Variants in NTRK2 observed in about 807,000 individuals in gnomAD.
NTRK2 encodes BDNF/NT-3 growth factors receptor.
NTRK2 carries 13 observed loss-of-function variants against 94.5 expected under a neutral mutation model. The observed-to-expected ratio is 0.14, with a 90% confidence interval of 0.09 to 0.22. The LOEUF is 0.22. Among genes scored for constraint, NTRK2 ranks in the 10% least tolerant of loss-of-function variants. The pLI is 1.00. For missense variants in NTRK2, 639 were observed against 1,071.2 expected, an observed-to-expected ratio of 0.60 and a Z score of 5.63; for synonymous variants, 372 against 407.4, an observed-to-expected ratio of 0.91 and a Z score of 1.05.
At chr9:84,742,433 C>T (rs573242397) in intron 10 of NTRK2, among the ~76,000 whole-genome samples, 6 of 152,290 alleles carry the variant, frequency 3.9e-5, no homozygotes, top group South Asian at 2.1e-4. Flanking sequence ...TTTCCCACCA[C>T]GCCAGCTTCA....
intron 11 of NTRK2, among the ~76,000 whole-genome samples, 154 bp downstream of exon 11, chr9:84,745,227 A>C (rs987010430): frequency 2.6e-5 from 4 of 152,110 alleles, no homozygotes; most frequent in African/African-American, 9.7e-5. Context: ...AGGCTTAACA[A>C]AAGTGATAAA....
At chr9:84,918,987 A>G (rs2077478801) in intron 14 of NTRK2, among the ~76,000 whole-genome samples, 2 of 152,092 alleles carry the variant, frequency 1.3e-5, no homozygotes, top group Admixed American at 1.3e-4. Flanking sequence ...CTGCTTATAC[A>G]ATCAAATCTA....
intron 12 of NTRK2, among the ~76,000 whole-genome samples, 172 bp from the exon 13 acceptor site, chr9:84,860,868 G>C (rs2075301096): frequency 6.6e-6 from 1 of 151,620 alleles, no homozygotes; most frequent in East Asian, 1.9e-4. Context: ...TGTTTGATAG[G>C]AAGCTTTCAT....
chr9:84,675,913 G>T (rs1363529009), intron 2 of NTRK2, among the ~76,000 whole-genome samples: 1 of 152,030 alleles, frequency 6.6e-6, no homozygotes, highest in East Asian at 1.9e-4. Flanking sequence ...TGCTCTCTGG[G>T]GTGTCCAAAG....
chr9:84,685,725 C>A (rs540779810), intron 2 of NTRK2, among the ~76,000 whole-genome samples: 1 of 152,284 alleles, frequency 6.6e-6, no homozygotes, highest in South Asian at 2.1e-4. Flanking sequence ...TCTACCCTGG[C>A]TAACTCCTGC....
At chr9:84,791,069 C>G (rs1479480690) in intron 12 of NTRK2, among the ~76,000 whole-genome samples, 1 of 152,158 alleles carries the variant, frequency 6.6e-6, no homozygotes, top group East Asian at 1.9e-4. Flanking sequence ...CTCTAACTTA[C>G]TAATGTCAGA....
At chr9:84,728,487 A>G (rs992299737) in intron 9 of NTRK2, among the ~76,000 whole-genome samples, 2 of 152,162 alleles carry the variant, frequency 1.3e-5, no homozygotes, top group Non-Finnish European at 2.9e-5. Flanking sequence ...ATTTAATGAG[A>G]TTTTGTACCC....
At chr9:84,844,645 TCACTCACACA>T (rs1222131821) in intron 12 of NTRK2, among the ~76,000 whole-genome samples, 5 of 101,626 alleles carry the variant, frequency 4.9e-5, no homozygotes, top group African/African-American at 1.2e-4. Context: ...ATGTAATACC[TCACTCACACA>T]CACACACACA....
At chr9:84,961,373 G>A (rs1460335135) in intron 17 of NTRK2, among the ~76,000 whole-genome samples, 1 of 152,124 alleles carries the variant, frequency 6.6e-6, no homozygotes, top group Non-Finnish European at 1.5e-5. Context: ...AAAACCATAA[G>A]AGTTTGTTTA....
intron 13 of NTRK2, among the ~76,000 whole-genome samples, chr9:84,865,901 C>T (rs138347765): frequency 1.3e-5 from 2 of 152,320 alleles, no homozygotes; most frequent in Middle Eastern, 3.4e-3. Flanking sequence ...GAAGCTTTCA[C>T]GTAGACCTTT....
intron 6 of NTRK2, among the ~76,000 whole-genome samples, chr9:84,716,333 G>A (rs2061709298): frequency 6.6e-6 from 1 of 152,154 alleles, no homozygotes; most frequent in African/African-American, 2.4e-5. Context: ...GTTCACAGGT[G>A]CCCAGGAGGA....
chr9:84,961,554 A>T (rs1190234944), intron 17 of NTRK2, among the ~76,000 whole-genome samples: 1 of 152,198 alleles, frequency 6.6e-6, no homozygotes, highest in Non-Finnish European at 1.5e-5. Flanking sequence ...CAGCCTCCCT[A>T]AGAACCTTTT....
At chr9:84,961,111 T>C (rs1462640149) in intron 17 of NTRK2, among the ~76,000 whole-genome samples, 1 of 152,236 alleles carries the variant, frequency 6.6e-6, no homozygotes, top group African/African-American at 2.4e-5. Flanking sequence ...TTACTTCTAT[T>C]GATTACCATA....
At chr9:84,947,876 C>T (rs559230977) in intron 15 of NTRK2, among the ~76,000 whole-genome samples, 2 of 152,300 alleles carry the variant, frequency 1.3e-5, no homozygotes, top group East Asian at 3.9e-4. Flanking sequence ...CAAAACCCAG[C>T]TGTCATGCTC....
intron 12 of NTRK2, chr9:84,812,573 A>G: frequency 9.6e-7 from 1 of 1,046,578 alleles, no homozygotes; most frequent in Non-Finnish European, 1.2e-6. Flanking sequence ...AGCTAATAGC[A>G]GAAATCATGA....
chr9:84,736,022 G>T (rs1462629800), intron 9 of NTRK2, among the ~76,000 whole-genome samples: 1 of 152,172 alleles, frequency 6.6e-6, no homozygotes, highest in Admixed American at 6.5e-5. Context: ...TGAAGGCCAG[G>T]TAGTCCTATA....
intron 16 of NTRK2, among the ~76,000 whole-genome samples, chr9:84,952,563 G>A (rs1215689641): frequency 2.0e-5 from 3 of 152,186 alleles, no homozygotes; most frequent in Non-Finnish European, 4.4e-5. Flanking sequence ...AGCGTTAACC[G>A]TTATTTCTGT....
At chr9:84,876,784 A>G in intron 14 of NTRK2, 9 of 1,061,758 alleles carry the variant, frequency 8.5e-6, no homozygotes, top group Non-Finnish European at 1.0e-5. Context: ...TAGCTGCTTG[A>G]GCCTTATTTA....
chr9:84,882,361 GACA>G (rs2132220488), intron 14 of NTRK2, among the ~76,000 whole-genome samples: 1 of 152,272 alleles, frequency 6.6e-6, no homozygotes, highest in East Asian at 1.9e-4. Context: ...ATTCAAAATT[GACA>G]ACAAGGGAGA....
Sources: gnomAD v4.1 joint callset for allele counts (sites outside exome capture counted in the v4.1 genomes callset) on GRCh38, gnomAD v4.1.1 for gene constraint, MANE v1.5 for transcripts, NCBI Gene and HGNC (gene_info 2026-07-23, HGNC 2026-07-21) for gene names.